KMT2A: variants seen among roughly 807,000 people sequenced by gnomAD.
The protein encoded by KMT2A is lysine methyltransferase 2A, also known as histone-lysine N-methyltransferase 2A.
KMT2A carries 16 observed loss-of-function variants against 345.3 expected under a neutral mutation model. The observed-to-expected ratio is 0.05, with a 90% CI of 0.03 to 0.07. The LOEUF is 0.07. KMT2A is among the 10% of genes least tolerant of loss of function. The probability of loss-of-function intolerance (pLI) is 1.00; values close to 1 mark genes in which losing one functional copy is unlikely to be tolerated. For missense variants in KMT2A, 3,272 were observed against 4,841.6 expected, an observed-to-expected ratio of 0.68 and a Z score of 9.62; for synonymous variants, 1,599 against 1,778.6, an observed-to-expected ratio of 0.90 and a Z score of 2.54.
rs1951064901 is a variant in KMT2A, at chr11:118,525,621, G to A, written c.*3449G>A. 3 of 222,782 alleles carry A rather than the reference G, an allele frequency of 1.3e-5. No individual in the cohort carries two copies. Among genetic ancestry groups the A allele is most frequent in the East Asian group, 6.4e-5 (1 of 15,520 alleles). The allele number at this position is 222,782 out of a possible 1,614,324, so 13.8% of individuals were successfully genotyped here. A position where few individuals can be genotyped will look rare whatever the true frequency, so the allele number is the denominator to read the frequency against. On this transcript the variant is annotated 3_prime_UTR_variant, in exon 36 of 36. Transcript: ENST00000534358. ...AAAAAAATAAAAAATAAAAAAAAAA[G>A]GAAAAAAAAATACAACACACACACA...
chr11:118,502,118 C>T lies in KMT2A; in HGVS notation c.6505+261C>T, dbSNP rs782233076. Among the ~76,000 whole-genome samples the T allele has an allele frequency of 1.1e-4, 17 of 151,872 alleles. No individual in the cohort carries two copies. The highest frequency in any genetic ancestry group is 2.7e-4 in the African/African-American group (11 of 41,446). On this transcript the variant is annotated intron_variant, in intron 26 of 35. Transcript: ENST00000534358. This position sits in a 1 kb window ranked among gnomAD's most constrained non-coding sequence, Gnocchi z 4.9. ...AAATTCAAAAATTAGCCAGGTGTGG[C>T]GGTGCATGCCTGTAATCCCAGCTAC...
Position 118,472,663 on chromosome 11 carries a change from G to A in KMT2A, c.1504G>A (p.Glu502Lys), listed in dbSNP as rs9332772. 9,404 of 1,612,902 alleles carry A rather than the reference G, an allele frequency of 5.8e-3. 99 individuals are homozygous for A. Among genetic ancestry groups the A allele is most frequent in the Non-Finnish European group, 5.3e-3 (6,239 of 1,179,814 alleles). ...TGAGGAGATTCAGGTACTTCCTGAG[G>A]AGCGGAGCGATACCCCTGAAGTTCA... ...ASEEIQVLPE[E>K]RSDTPEVHPP... The change falls in exon 3 of 36, where the codon GAG becomes AAG. Residue 502 changes from glutamate (E) to lysine (K), a missense_variant. By Grantham distance (56) the Glu-to-Lys change is moderately conservative. Transcript: ENST00000534358.
rs2134266451 is a variant in KMT2A at position 118,473,321 on chromosome 11, G to A, written c.2162G>A (p.Arg721Gln). The A allele has an allele frequency of 1.2e-6, 2 of 1,613,796 alleles. No homozygotes were observed. The highest frequency in any genetic ancestry group is 1.1e-5 in the South Asian group (1 of 91,034). The change falls in exon 3 of 36, where the codon CGA becomes CAA. Residue 721 changes from arginine (R) to glutamine (Q), a missense_variant. Arg to Gln is a conservative substitution (Grantham distance 43, BLOSUM62 1). Coordinates refer to ENST00000534358, the MANE Select transcript of KMT2A (RefSeq NM_001197104.2). This position sits in a 1 kb window ranked among gnomAD's most constrained non-coding sequence, Gnocchi z 5.2. Reference sequence around the variant, plus strand: ...GAGTCTGTAACCTTGCCTAGTAATCGAACTTCTGCTGGAACATCTTCTTCA... The same window carrying A: ...GAGTCTGTAACCTTGCCTAGTAATCAAACTTCTGCTGGAACATCTTCTTCA... Reference protein sequence around the residue: ...IFESVTLPSNRTSAGTSSSGV... With the variant: ...IFESVTLPSNQTSAGTSSSGV...
rs1950419208 is a variant in KMT2A at position 118,496,969 on chromosome 11, T to TTTCTG, written c.5664+604_5664+605insCTGTT. Among the ~76,000 whole-genome samples, 1 of 152,142 alleles carries TTTCTG rather than the reference T, an allele frequency of 6.6e-6. No individual in the cohort carries two copies. Among genetic ancestry groups the TTTCTG allele is most frequent in the Admixed American group, 6.5e-5 (1 of 15,280 alleles). On this transcript the variant is annotated intron_variant, in intron 20 of 35. Transcript: ENST00000534358. The surrounding 1 kb of genome is among the most constrained non-coding windows in gnomAD (Gnocchi z 4.7). ...CAATTTTTTTAAAAGTTTTTTGTGT[T>TTTCTG]TTTTGTTTTGTTTTGTTTTGTTTTT...
rs1197020785 is a variant in KMT2A at position 118,496,800 on chromosome 11, C to T, written c.5664+433C>T. Among the ~76,000 whole-genome samples the T allele has an allele frequency of 6.4e-4, 98 of 152,170 alleles. 1 individual carries two copies. Among genetic ancestry groups the T allele is most frequent in the Admixed American group, 6.4e-3 (98 of 15,278 alleles). ...CTGTGCTTAACTGCCTACTTATTGACTTTGGCAAGTAGTTTAACCTCTCTG... is the reference window on the plus strand; with the variant it reads ...CTGTGCTTAACTGCCTACTTATTGATTTTGGCAAGTAGTTTAACCTCTCTG... On this transcript the variant is annotated intron_variant, in intron 20 of 35. Coordinates refer to ENST00000534358, the MANE Select transcript of KMT2A (RefSeq NM_001197104.2). The surrounding 1 kb of genome is among the most constrained non-coding windows in gnomAD (Gnocchi z 4.7).
chr11:118,506,666 G>T lies in KMT2A; in HGVS notation c.10754+20G>T. ...CACAGGGTGAGAGATCCAAATACTA[G>T]CTAGGCTGGGTCTGTGGGATTTCAT... On this transcript the variant is annotated intron_variant, in intron 27 of 35. Coordinates refer to ENST00000534358, the MANE Select transcript of KMT2A (RefSeq NM_001197104.2). 1 of 1,561,706 alleles carries T rather than the reference G, an allele frequency of 6.4e-7. No individual in the cohort carries two copies. Among genetic ancestry groups the T allele is most frequent in the Non-Finnish European group, 8.7e-7 (1 of 1,152,678 alleles).
intron 1 of KMT2A, among the ~76,000 whole-genome samples, chr11:118,458,624 C>T (rs936112541): frequency 2.0e-5 from 3 of 152,172 alleles, no homozygotes; most frequent in African/African-American, 7.2e-5. Context: ...CTAAAGAAGA[C>T]AAATGTGTGA....
In KMT2A at chr11:118,504,220, C is replaced by A. The variant is rs782230850; in HGVS notation, c.8328C>A (p.Gly2776=). Residue 2776 remains glycine, a synonymous_variant, in exon 27 of 36, where the codon GGC becomes GGA. Coordinates refer to ENST00000534358, the MANE Select transcript of KMT2A (RefSeq NM_001197104.2). The surrounding 1 kb of genome is among the most constrained non-coding windows in gnomAD (Gnocchi z 6.4). The stretch of plus-strand genomic sequence containing the variant: ...AACATGTCACTAAGAGTTCTGTTGG[C>A]CACAAAAATGAGCCAAAGATGGATA... ...EKEHVTKSSV[G]HKNEPKMDNC... 10 of 1,613,972 alleles carry A rather than the reference C, an allele frequency of 6.2e-6. No individual in the cohort carries two copies. The highest frequency in any genetic ancestry group is 1.3e-5 in the African/African-American group (1 of 74,892).
rs782347860 is a variant in KMT2A, at chr11:118,504,938, G to C, written c.9046G>C (p.Glu3016Gln). 1.2e-6 allele frequency: 2 copies of C among 1,614,174 alleles called. No individual in the cohort carries two copies. The highest frequency in any genetic ancestry group is 1.7e-6 in the Non-Finnish European group (2 of 1,180,040). ...HISSPPCGSV[E>Q]QGHGNNQDLT... Reference sequence around the variant, plus strand: ...CTCTAGCCCTCCTTGTGGTTCAGTAGAGCAAGGTCATGGCAACAATCAGGA... The same window carrying C: ...CTCTAGCCCTCCTTGTGGTTCAGTACAGCAAGGTCATGGCAACAATCAGGA... The change falls in exon 27 of 36, where the codon GAG becomes CAG. Residue 3016 changes from glutamate (E) to glutamine (Q), a missense_variant. Physicochemically the swap from Glu to Gln is conservative, Grantham distance 29. Coordinates refer to ENST00000534358, the MANE Select transcript of KMT2A (RefSeq NM_001197104.2). This position sits in a 1 kb window ranked among gnomAD's most constrained non-coding sequence, Gnocchi z 6.4.
In KMT2A at chr11:118,498,317, G is replaced by C; in HGVS notation, c.5803-53G>C. 1 of 1,534,026 alleles carries C rather than the reference G, an allele frequency of 6.5e-7. No homozygotes were observed. Among genetic ancestry groups the C allele is most frequent in the Non-Finnish European group, 8.8e-7 (1 of 1,132,452 alleles). On this transcript the variant is annotated intron_variant, in intron 21 of 35. Coordinates refer to ENST00000534358, the MANE Select transcript of KMT2A (RefSeq NM_001197104.2). The surrounding 1 kb of genome is among the most constrained non-coding windows in gnomAD (Gnocchi z 4.4). ...TGAGTCTATAGAGGAGACGGTAAACGTCTTAAAACATATGAAAGTCTGAAT... is the reference window on the plus strand; with the variant it reads ...TGAGTCTATAGAGGAGACGGTAAACCTCTTAAAACATATGAAAGTCTGAAT...
At chr11:118,500,042 T>A in intron 24 of KMT2A, 129 bp downstream of exon 24, 1 of 621,446 alleles carries the variant, frequency 1.6e-6, no homozygotes, top group South Asian at 2.0e-5. Context: ...AATCACTTAT[T>A]TTGCTAGTTC....
chr11:118,471,236 A>G (rs181491981), intron 2 of KMT2A, among the ~76,000 whole-genome samples: 9 of 152,350 alleles, frequency 5.9e-5, no homozygotes, highest in African/African-American at 2.2e-4. Flanking sequence ...AGAATTCTGA[A>G]TTGAAAAGAT....
intron 3 of KMT2A, among the ~76,000 whole-genome samples, chr11:118,475,935 C>T (rs1193178663): frequency 2.0e-5 from 3 of 151,992 alleles, no homozygotes; most frequent in Non-Finnish European, 2.9e-5. Flanking sequence ...GACGGAATTT[C>T]GCTCTTGTTG....
At chr11:118,506,795 A>T (rs1555048663) in intron 27 of KMT2A, 149 bp downstream of exon 27, 1 of 771,074 alleles carries the variant, frequency 1.3e-6, no homozygotes, top group African/African-American at 1.8e-5. Flanking sequence ...TTTCTCTCTG[A>T]GTGGTGATTT....
At chr11:118,470,658 CTTCTG>C (rs1485637174) in intron 2 of KMT2A, among the ~76,000 whole-genome samples, 23 of 152,246 alleles carry the variant, frequency 1.5e-4, no homozygotes, top group Non-Finnish European at 2.2e-4. Flanking sequence ...CCTTTGTTGA[CTTCTG>C]TTCTGTTAGC....
intron 1 of KMT2A, among the ~76,000 whole-genome samples, chr11:118,466,502 T>C (rs1475856944): frequency 2.0e-5 from 3 of 152,186 alleles, no homozygotes; most frequent in African/African-American, 7.2e-5. Flanking sequence ...AGTAAGAATT[T>C]ACTTAAAATT....
chr11:118,447,356 T>G (rs1949443839), intron 1 of KMT2A, among the ~76,000 whole-genome samples: 1 of 152,170 alleles, frequency 6.6e-6, no homozygotes, highest in African/African-American at 2.4e-5. Context: ...TTGATGTCCA[T>G]ACAACTTTTA....
At position 118,495,644 on chromosome 11, in the gene KMT2A, A is replaced by G; in HGVS notation, c.5364-56A>G. 7.6e-7 allele frequency: 1 copy of G among 1,316,766 alleles called. No homozygotes were observed. Among genetic ancestry groups the G allele is most frequent in the Admixed American group, 2.4e-5 (1 of 41,878 alleles). 81.6% of individuals were successfully genotyped at this position (1,316,766 alleles called of 1,614,324 possible). A position where few individuals can be genotyped will look rare whatever the true frequency, so the allele number is the denominator to read the frequency against. Reference sequence around the variant, plus strand: ...GTGATATCAAGAATTTATTTTATACAGTTCTAGGTATACTGTAGGAGTTCA... The same window carrying G: ...GTGATATCAAGAATTTATTTTATACGGTTCTAGGTATACTGTAGGAGTTCA... On this transcript the variant is annotated intron_variant, in intron 18 of 35. Coordinates refer to ENST00000534358, the MANE Select transcript of KMT2A (RefSeq NM_001197104.2). This position sits in a 1 kb window ranked among gnomAD's most constrained non-coding sequence, Gnocchi z 4.1.
rs536818082 is a variant in KMT2A at position 118,450,644 on chromosome 11, T to A, written c.432+13700T>A. On this transcript the variant is annotated intron_variant, in intron 1 of 35. Coordinates refer to ENST00000534358, the MANE Select transcript of KMT2A (RefSeq NM_001197104.2). ...CGCTCTTTAATCCCAAGTGACCTTT[T>A]TGTGTTAACATTTCTCAATATCAGG... is the stretch of plus-strand genomic sequence containing the variant. The A allele has an allele frequency of 1.6e-3, 241 of 152,300 alleles. 1 individual carries two copies. Among genetic ancestry groups the A allele is most frequent in the African/African-American group, 5.5e-3 (230 of 41,558 alleles). The allele number at this position is 152,300 out of a possible 1,614,324, so 9.4% of individuals were successfully genotyped here. A position where few individuals can be genotyped will look rare whatever the true frequency, so the allele number is the denominator to read the frequency against.
Sources: allele counts gnomAD v4.1 joint callset (sites outside exome capture counted in the v4.1 genomes callset), GRCh38; gene constraint gnomAD v4.1.1; non-coding constraint Gnocchi (gnomAD v3.1); transcripts MANE v1.5; gene names NCBI Gene and HGNC (gene_info 2026-07-23, HGNC 2026-07-21).